The following GALNTL6 variants were observed in gnomAD, a reference collection of about 807,000 sequenced individuals.
The protein encoded by GALNTL6 is polypeptide N-acetylgalactosaminyltransferase like 6, also known as polypeptide N-acetylgalactosaminyltransferase-like 6.
Under a neutral mutation model 73.7 loss-of-function variants are expected in GALNTL6, and 46 were observed. The observed-to-expected ratio is 0.62, with a 90% CI of 0.49 to 0.80. The LOEUF (loss-of-function observed/expected upper bound fraction) is 0.80. Ranked by LOEUF, GALNTL6 falls within the 30% of genes least tolerant of loss-of-function variation. The pLI, the probability that GALNTL6 is intolerant of heterozygous loss-of-function variation, is 0.00. For missense variants in GALNTL6, 604 were observed against 755.0 expected (o/e 0.80, Z 2.34); for synonymous variants, 259 against 263.7 (o/e 0.98, Z 0.17).
intron 5 of GALNTL6, among the ~76,000 whole-genome samples, chr4:172,782,576 G>A (rs570098155): frequency 7.2e-5 from 11 of 152,174 alleles, no homozygotes; most frequent in African/African-American, 1.9e-4. Flanking sequence ...GGGCTTCATC[G>A]TCTGTTGAAT....
At chr4:172,842,461 A>G (rs1218656377) in intron 7 of GALNTL6, among the ~76,000 whole-genome samples, 2 of 152,152 alleles carry the variant, frequency 1.3e-5, no homozygotes, top group Non-Finnish European at 2.9e-5. Context: ...AAGAGGCATC[A>G]TATTCTTTAG....
At chr4:172,855,474 G>C (rs529903716) in intron 7 of GALNTL6, among the ~76,000 whole-genome samples, 2 of 152,290 alleles carry the variant, frequency 1.3e-5, no homozygotes, top group African/African-American at 4.8e-5. Context: ...AATAAAAGTT[G>C]TGAGAAGACT....
At chr4:172,739,218 A>C (rs1048705725) in intron 5 of GALNTL6, among the ~76,000 whole-genome samples, 2 of 152,158 alleles carry the variant, frequency 1.3e-5, no homozygotes, top group Admixed American at 6.5e-5. Flanking sequence ...CTGGAATAAT[A>C]TGTAGCCCAT....
At chr4:172,429,225 T>TTTATTTTATTTTATTTTTTTTTA (rs1311610813) in intron 5 of GALNTL6, among the ~76,000 whole-genome samples, 1 of 151,092 alleles carries the variant, frequency 6.6e-6, no homozygotes, top group Non-Finnish European at 1.5e-5. Flanking sequence ...TTTATTTTAT[T>TTTATTTTATTTTATTTTTTTTTA]TTTTGAGACT....
intron 7 of GALNTL6, among the ~76,000 whole-genome samples, chr4:172,870,903 T>C (rs1744898377): frequency 1.3e-5 from 2 of 152,094 alleles, no homozygotes; most frequent in Non-Finnish European, 2.9e-5. Flanking sequence ...CACTGAAAAA[T>C]AAGTTGGAAA....
At chr4:172,046,482 T>C (rs1742225578) in intron 2 of GALNTL6, among the ~76,000 whole-genome samples, 1 of 152,144 alleles carries the variant, frequency 6.6e-6, no homozygotes, top group African/African-American at 2.4e-5. Flanking sequence ...GTTTACATTT[T>C]CACTAGTTGT....
At chr4:173,022,696 AAAG>A (rs1302116759) in intron 12 of GALNTL6, among the ~76,000 whole-genome samples, 1 of 152,218 alleles carries the variant, frequency 6.6e-6, no homozygotes, top group African/African-American at 2.4e-5. Flanking sequence ...CAAATGTAGC[AAAG>A]AAGAATTTAC....
At chr4:172,019,432 C>T (rs1741328387) in intron 2 of GALNTL6, among the ~76,000 whole-genome samples, 1 of 151,726 alleles carries the variant, frequency 6.6e-6, no homozygotes, top group South Asian at 2.1e-4. Context: ...ACACACTTCA[C>T]CTATAAAGTT....
At chr4:172,154,712 C>T (rs987950669) in intron 2 of GALNTL6, among the ~76,000 whole-genome samples, 6 of 152,114 alleles carry the variant, frequency 3.9e-5, no homozygotes, top group African/African-American at 1.4e-4. Flanking sequence ...TAATACCAAG[C>T]AAGGAGACTG....
chr4:172,280,800 A>T (rs927028111), intron 3 of GALNTL6, among the ~76,000 whole-genome samples: 1 of 152,088 alleles, frequency 6.6e-6, no homozygotes, highest in Non-Finnish European at 1.5e-5. Context: ...ATTCCATGTA[A>T]ATTATATTTC....
intron 2 of GALNTL6, among the ~76,000 whole-genome samples, chr4:171,842,219 A>T (rs78037180): frequency 0.025 from 3,820 of 152,164 alleles, 151 homozygotes; most frequent in East Asian, 0.11. Flanking sequence ...TAGTGTGTTG[A>T]TCTTTATTTA....
chr4:172,210,594 A>G (rs1023103592), intron 2 of GALNTL6, among the ~76,000 whole-genome samples: 13 of 152,114 alleles, frequency 8.5e-5, no homozygotes, highest in African/African-American at 3.1e-4. Context: ...GTAAAGTGCT[A>G]TTTTCATTAC....
intron 2 of GALNTL6, among the ~76,000 whole-genome samples, chr4:171,949,620 A>G (rs1738808358): frequency 6.6e-6 from 1 of 152,232 alleles, no homozygotes; most frequent in South Asian, 2.1e-4. Context: ...ATTACAGAAT[A>G]AGTAGATGAA....
chr4:172,561,268 A>C (rs1386321513), intron 5 of GALNTL6, among the ~76,000 whole-genome samples: 1 of 150,390 alleles, frequency 6.6e-6, no homozygotes, highest in Non-Finnish European at 1.5e-5. Context: ...TCAAAAAAAA[A>C]AAAAAAAAAA....
chr4:172,868,421 A>G (rs935369178), intron 7 of GALNTL6, among the ~76,000 whole-genome samples: 1 of 152,248 alleles, frequency 6.6e-6, no homozygotes, highest in African/African-American at 2.4e-5. Context: ...AATACACGAT[A>G]TAAAAATCTC....
At chr4:172,099,854 T>G (rs186369999) in intron 2 of GALNTL6, among the ~76,000 whole-genome samples, 2 of 152,152 alleles carry the variant, frequency 1.3e-5, no homozygotes, top group Non-Finnish European at 2.9e-5. Flanking sequence ...CATTTTCTGG[T>G]CACTCTCTGC....
At chr4:172,424,494 A>G (rs1731159056) in intron 5 of GALNTL6, among the ~76,000 whole-genome samples, 2 of 152,070 alleles carry the variant, frequency 1.3e-5, no homozygotes, top group African/African-American at 4.8e-5. Context: ...TGAGCTAACT[A>G]TTATAAAAAA....
rs148602338 is a variant in GALNTL6, at chr4:172,365,490, G to A, written c.553+16801G>A. On this transcript the variant is annotated intron_variant, in intron 5 of 12. Coordinates refer to ENST00000506823, the MANE Select transcript of GALNTL6 (RefSeq NM_001034845.3). ...TCTTGTCCAAGATGGCGATGCTCCT[G>A]CTCTGTCAGGATGCTTAATTAATAA... Among the ~76,000 whole-genome samples the A allele has an allele frequency of 8.7e-3, 1,320 of 152,188 alleles. 10 individuals carry two copies. Among genetic ancestry groups the A allele is most frequent in the South Asian group, 0.011 (55 of 4,814 alleles).
intron 2 of GALNTL6, among the ~76,000 whole-genome samples, chr4:172,160,315 A>G (rs1322844043): frequency 2.0e-5 from 3 of 151,946 alleles, no homozygotes; most frequent in African/African-American, 7.3e-5. Flanking sequence ...AATCAAGAAA[A>G]TTGCTGAAAA....
Sources: gnomAD v4.1 joint callset for allele counts (sites outside exome capture counted in the v4.1 genomes callset) on GRCh38, gnomAD v4.1.1 for gene constraint, MANE v1.5 for transcripts, NCBI Gene and HGNC (gene_info 2026-07-23, HGNC 2026-07-21) for gene names.